PDGFRL: variants seen among roughly 807,000 people sequenced by gnomAD.
PDGFRL encodes platelet derived growth factor receptor like, also known as platelet-derived growth factor receptor-like protein.
Under a neutral mutation model 37.2 loss-of-function variants are expected in PDGFRL, and 46 were observed. The observed-to-expected ratio is 1.24, with a 90% CI of 0.98 to 1.58. The LOEUF (loss-of-function observed/expected upper bound fraction) is 1.58. Ranked by LOEUF, PDGFRL falls within the 40% of genes most tolerant of loss-of-function variation. PDGFRL has a pLI of 0.00. For synonymous variants in PDGFRL, 251 were observed against 184.3 expected, an observed-to-expected ratio of 1.36 and a Z score of -2.93; for missense variants, 692 against 467.6, an observed-to-expected ratio of 1.48 and a Z score of -4.43.
intron 3 of PDGFRL, among the ~76,000 whole-genome samples, chr8:17,625,614 G>T (rs559400287): frequency 6.6e-6 from 1 of 152,170 alleles, no homozygotes; most frequent in Non-Finnish European, 1.5e-5. Context: ...GCTACGGATT[G>T]CAAATATATT....
chr8:17,612,100 G>A (rs542654758), intron 2 of PDGFRL, among the ~76,000 whole-genome samples: 1 of 152,178 alleles, frequency 6.6e-6, no homozygotes, highest in South Asian at 2.1e-4. Flanking sequence ...CCAGTTGGCA[G>A]TGTTTCCATT....
chr8:17,636,725 T>C (rs924189949), intron 5 of PDGFRL, among the ~76,000 whole-genome samples: 5 of 152,318 alleles, frequency 3.3e-5, no homozygotes, highest in African/African-American at 1.2e-4. Context: ...ATTTTCACAA[T>C]ATTGATTCTA....
At chr8:17,636,301 G>A (rs753627550) in intron 5 of PDGFRL, among the ~76,000 whole-genome samples, 3 of 103,246 alleles carry the variant, frequency 2.9e-5, no homozygotes, top group Non-Finnish European at 6.8e-5. Context: ...TAAGGTGAAA[G>A]ATAAGGATTC....
intron 2 of PDGFRL, among the ~76,000 whole-genome samples, chr8:17,617,068 A>C (rs1804545204): frequency 6.6e-6 from 1 of 152,172 alleles, no homozygotes; most frequent in Non-Finnish European, 1.5e-5. Flanking sequence ...TCCTCCACTG[A>C]TGGGAGCAAG....
intron 3 of PDGFRL, among the ~76,000 whole-genome samples, 164 bp downstream of exon 3, chr8:17,621,366 T>C (rs1804630120): frequency 6.6e-6 from 1 of 151,976 alleles, no homozygotes; most frequent in Non-Finnish European, 1.5e-5. Context: ...CATGTAAGTC[T>C]TACCGTAACC....
chr8:17,603,610 C>G (rs570095358), intron 2 of PDGFRL, among the ~76,000 whole-genome samples: 9 of 152,288 alleles, frequency 5.9e-5, no homozygotes, highest in Admixed American at 5.2e-4. Context: ...CTTGACTCCT[C>G]TGCCCTGTTC....
intron 5 of PDGFRL, among the ~76,000 whole-genome samples, chr8:17,635,055 C>G (rs1466079672): frequency 1.3e-5 from 2 of 152,168 alleles, no homozygotes; most frequent in East Asian, 1.9e-4. Context: ...CTCAGTCTTT[C>G]AATCCCATCT....
chr8:17,621,385 C>A (rs1804630511), intron 3 of PDGFRL, among the ~76,000 whole-genome samples, 183 bp downstream of exon 3: 2 of 150,586 alleles, frequency 1.3e-5, no homozygotes, highest in Admixed American at 1.3e-4. Context: ...CCCTTCAGGG[C>A]AAATACTAAT....
intron 2 of PDGFRL, among the ~76,000 whole-genome samples, chr8:17,595,712 G>C (rs185864102): frequency 6.6e-6 from 1 of 152,308 alleles, no homozygotes; most frequent in African/African-American, 2.4e-5. Context: ...CTAGCCCTGT[G>C]GTGGGGCGGG....
chr8:17,604,415 A>G (rs1804229069), intron 2 of PDGFRL, among the ~76,000 whole-genome samples: 1 of 152,322 alleles, frequency 6.6e-6, no homozygotes, highest in Non-Finnish European at 1.5e-5. Context: ...ATGAAAAATG[A>G]TGAGTTCATG....
At position 17,621,062 on chromosome 8, in the gene PDGFRL, A is replaced by G. The variant is rs149203507; in HGVS notation, c.365A>G (p.Asn122Ser). 4.8e-5 allele frequency: 77 copies of G among 1,602,860 alleles called. No homozygotes were observed. In the African/African-American group the frequency reaches 9.0e-4, roughly 19 times the overall value. Residue 122 changes from asparagine (N) to serine (S), a missense_variant, in exon 3 of 6, where the codon AAT becomes AGT. By Grantham distance (46) the Asn-to-Ser change is conservative. Transcript: ENST00000251630. ...FKDSRLSVKQ[N>S]ERYGQLTLVN... ...TCTTTTATTCCTAGCGTCAAGCAGA[A>G]TGAGCGCTACGGCCAGTTGACTCTG... is the stretch of plus-strand genomic sequence containing the variant.
At chr8:17,609,647 A>AAAT (rs1563517617) in intron 2 of PDGFRL, among the ~76,000 whole-genome samples, 2 of 121,662 alleles carry the variant, frequency 1.6e-5, no homozygotes, top group Non-Finnish European at 3.5e-5. Flanking sequence ...AAAAAAAAAA[A>AAAT]AAAAAAAAAA....
chr8:17,596,874 C>A (rs867481565), intron 2 of PDGFRL, among the ~76,000 whole-genome samples: 2 of 152,236 alleles, frequency 1.3e-5, no homozygotes, highest in Admixed American at 6.5e-5. Context: ...CTCTTGACAT[C>A]GTTCCCAGAA....
chr8:17,609,434 C>T (rs1804355992), intron 2 of PDGFRL, among the ~76,000 whole-genome samples: 1 of 151,340 alleles, frequency 6.6e-6, no homozygotes. Flanking sequence ...GAGATTGCAC[C>T]ACTGCACTCC....
At chr8:17,599,651 T>C (rs778565265) in intron 2 of PDGFRL, among the ~76,000 whole-genome samples, 1 of 152,220 alleles carries the variant, frequency 6.6e-6, no homozygotes. Flanking sequence ...CACCTCACGT[T>C]TGCTTGGCAA....
At chr8:17,576,524 T>A (rs977103001), upstream of PDGFRL, 1 of 156,936 alleles carries the variant, frequency 6.4e-6, no homozygotes, top group East Asian at 1.9e-4. Context: ...CTTTTGCTTC[T>A]GCGAACTGGC....
At chr8:17,613,670 G>C (rs1804467624) in intron 2 of PDGFRL, among the ~76,000 whole-genome samples, 1 of 152,156 alleles carries the variant, frequency 6.6e-6, no homozygotes, top group South Asian at 2.1e-4. Context: ...TCAAGCTCAG[G>C]AGTTCGATGC....
intron 2 of PDGFRL, among the ~76,000 whole-genome samples, chr8:17,592,832 G>A (rs993650754): frequency 2.0e-5 from 3 of 152,034 alleles, no homozygotes; most frequent in Non-Finnish European, 4.4e-5. Context: ...AGACTTAGCT[G>A]AGTGGTTGGC....
At chr8:17,626,713 A>G (rs1192049633) in intron 3 of PDGFRL, among the ~76,000 whole-genome samples, 1 of 152,216 alleles carries the variant, frequency 6.6e-6, no homozygotes, top group African/African-American at 2.4e-5. Flanking sequence ...ATCCAGAAAA[A>G]CAAAGGATTC....
Sources: allele counts gnomAD v4.1 joint callset (sites outside exome capture counted in the v4.1 genomes callset), GRCh38; gene constraint gnomAD v4.1.1; transcripts MANE v1.5; gene names NCBI Gene and HGNC (gene_info 2026-07-23, HGNC 2026-07-21).